Variants in ENTHD1 observed in about 807,000 individuals in gnomAD.
ENTHD1 encodes ENTH domain-containing protein 1.
A neutral mutation model predicts 39.1 loss-of-function variants in ENTHD1; 23 were observed. The ratio of observed to expected loss-of-function variants is 0.59; its 90% CI spans 0.42 to 0.83. The LOEUF is 0.83. Among genes scored for constraint, ENTHD1 ranks in the 40% least tolerant of loss-of-function variants. The probability of loss-of-function intolerance (pLI) is 0.00; values close to 1 mark genes in which losing one functional copy is unlikely to be tolerated. For synonymous variants in ENTHD1, 230 were observed against 258.2 expected, an observed-to-expected ratio of 0.89 and a Z score of 1.05; for missense variants, 624 against 705.4, an observed-to-expected ratio of 0.88 and a Z score of 1.31.
intron 5 of ENTHD1, among the ~76,000 whole-genome samples, chr22:39,815,702 T>C (rs2146640272): frequency 6.6e-6 from 1 of 152,298 alleles, no homozygotes. Context: ...AAAAACAGCA[T>C]TGTTTACAAT....
chr22:39,840,777 C>T (rs150085495), intron 3 of ENTHD1, among the ~76,000 whole-genome samples: 10,236 of 150,712 alleles, frequency 0.068, 401 homozygotes, highest in South Asian at 0.12. Context: ...TTTTTTGAGA[C>T]GGAGTCTCGC....
intron 5 of ENTHD1, among the ~76,000 whole-genome samples, chr22:39,768,972 A>T (rs2065300186): frequency 6.6e-6 from 1 of 151,674 alleles, no homozygotes; most frequent in Non-Finnish European, 1.5e-5. Context: ...ATGTATATAT[A>T]GATAGATACA....
chr22:39,892,092 T>A (rs189902740), intron 1 of ENTHD1, among the ~76,000 whole-genome samples: 13 of 152,340 alleles, frequency 8.5e-5, no homozygotes, highest in Admixed American at 8.5e-4. Flanking sequence ...AGATATTTCT[T>A]GAGTACCTAC....
At chr22:39,770,980 A>G (rs1051061906) in intron 5 of ENTHD1, among the ~76,000 whole-genome samples, 2 of 152,194 alleles carry the variant, frequency 1.3e-5, no homozygotes, top group Non-Finnish European at 1.5e-5. Context: ...AAATGCTCCA[A>G]CTAGCACTTC....
chr22:39,824,956 C>A (rs940666222), intron 4 of ENTHD1, among the ~76,000 whole-genome samples: 3 of 152,172 alleles, frequency 2.0e-5, no homozygotes, highest in South Asian at 2.1e-4. Flanking sequence ...TATAGAAAAC[C>A]TTTCTGGGAT....
At chr22:39,860,800 G>T (rs2066133901) in intron 3 of ENTHD1, among the ~76,000 whole-genome samples, 1 of 152,040 alleles carries the variant, frequency 6.6e-6, no homozygotes, top group Non-Finnish European at 1.5e-5. Flanking sequence ...TTATCAACAG[G>T]GTTTCTACTG....
intron 3 of ENTHD1, among the ~76,000 whole-genome samples, chr22:39,838,130 T>A (rs1294640047): frequency 1.3e-5 from 2 of 152,250 alleles, no homozygotes; most frequent in East Asian, 3.8e-4. Context: ...ATACTGCAAT[T>A]AATATTTTAA....
chr22:39,752,967 C>T (rs1361302978), intron 6 of ENTHD1, among the ~76,000 whole-genome samples: 1 of 152,154 alleles, frequency 6.6e-6, no homozygotes, highest in African/African-American at 2.4e-5. Context: ...AGGAAAAGTG[C>T]ATGGTTAATG....
At chr22:39,774,301 A>G (rs945099717) in intron 5 of ENTHD1, among the ~76,000 whole-genome samples, 5 of 152,036 alleles carry the variant, frequency 3.3e-5, no homozygotes, top group Non-Finnish European at 7.4e-5. Context: ...ATCTCCCAGG[A>G]TGATGTCATC....
At chr22:39,859,934 G>A (rs1345505332) in intron 3 of ENTHD1, among the ~76,000 whole-genome samples, 3 of 152,106 alleles carry the variant, frequency 2.0e-5, no homozygotes, top group Non-Finnish European at 4.4e-5. Flanking sequence ...CCTGTATGTG[G>A]GTTGCTCCCT....
In ENTHD1 at chr22:39,838,199, T is replaced by C. The variant is rs144022439; in HGVS notation, c.593-2241A>G. Among the ~76,000 whole-genome samples, 487 of 152,290 alleles carry C rather than the reference T, an allele frequency of 3.2e-3. 3 individuals carry two copies. The highest frequency in any genetic ancestry group is 0.011 in the African/African-American group (465 of 41,576). On this transcript the variant is annotated intron_variant, in intron 3 of 6. Coordinates refer to ENST00000325157, the MANE Select transcript of ENTHD1 (RefSeq NM_152512.4). Reference sequence around the variant, plus strand: ...ATTAAAGTATAACAGGTTTAATTAATAGTTATTTAATAAATTTTAGTATGA... The same window carrying C: ...ATTAAAGTATAACAGGTTTAATTAACAGTTATTTAATAAATTTTAGTATGA...
chr22:39,803,554 C>T (rs1166688814), intron 5 of ENTHD1, among the ~76,000 whole-genome samples: 1 of 152,060 alleles, frequency 6.6e-6, no homozygotes, highest in Non-Finnish European at 1.5e-5. Context: ...GATTACAGTG[C>T]CTGAGAGAAA....
chr22:39,799,658 G>T (rs1414182756), intron 5 of ENTHD1, among the ~76,000 whole-genome samples: 1 of 152,168 alleles, frequency 6.6e-6, no homozygotes, highest in Non-Finnish European at 1.5e-5. Context: ...CAGCCCATTC[G>T]TCCAGTGCGC....
intron 4 of ENTHD1, among the ~76,000 whole-genome samples, chr22:39,827,226 A>C (rs1222726924): frequency 2.6e-5 from 4 of 152,048 alleles, no homozygotes; most frequent in Non-Finnish European, 5.9e-5. Flanking sequence ...CGTATTAGCC[A>C]GGATGGTCTC....
intron 2 of ENTHD1, among the ~76,000 whole-genome samples, chr22:39,882,433 G>A (rs1255071524): frequency 6.6e-6 from 1 of 152,088 alleles, no homozygotes; most frequent in East Asian, 1.9e-4. Context: ...TTAAGCATAA[G>A]CACAGAAATG....
In ENTHD1 at chr22:39,831,553, G is replaced by A. The variant is rs80287823; in HGVS notation, c.711+4287C>T. Among the ~76,000 whole-genome samples the A allele has an allele frequency of 7.5e-3, 1,136 of 152,238 alleles. 16 individuals carry two copies. The highest frequency in any genetic ancestry group is 0.026 in the African/African-American group (1,080 of 41,542). On this transcript the variant is annotated intron_variant, in intron 4 of 6. Transcript: ENST00000325157. ...ATAAAGAAATATAGGGGCCAGGTAC[G>A]GTGGCTCATGACTGTAATCCCAACA...
intron 6 of ENTHD1, among the ~76,000 whole-genome samples, chr22:39,760,276 C>A (rs1409330567): frequency 6.6e-6 from 1 of 151,898 alleles, no homozygotes; most frequent in East Asian, 1.9e-4. Context: ...CCCTATAATT[C>A]TGTCAGTTTT....
intron 6 of ENTHD1, among the ~76,000 whole-genome samples, chr22:39,756,474 A>C (rs2146542242): frequency 6.6e-6 from 1 of 152,136 alleles, no homozygotes; most frequent in African/African-American, 2.4e-5. Flanking sequence ...AGCTGGGATT[A>C]CAGGCATGTC....
At chr22:39,882,071 C>T (rs1464692392) in intron 2 of ENTHD1, among the ~76,000 whole-genome samples, 1 of 152,184 alleles carries the variant, frequency 6.6e-6, no homozygotes, top group East Asian at 1.9e-4. Flanking sequence ...TTCTCTGAGA[C>T]AACAAAATCA....
Sources: gnomAD v4.1 joint callset for allele counts (sites outside exome capture counted in the v4.1 genomes callset) on GRCh38, gnomAD v4.1.1 for gene constraint, MANE v1.5 for transcripts, NCBI Gene and HGNC (gene_info 2026-07-23, HGNC 2026-07-21) for gene names.